The following NECAP2 variants were observed in gnomAD, a reference collection of about 807,000 sequenced individuals.
NECAP2 encodes adaptin ear-binding coat-associated protein 2.
A neutral mutation model predicts 37.8 loss-of-function variants in NECAP2; 38 were observed. The ratio of observed to expected loss-of-function variants is 1.01; its 90% CI spans 0.78 to 1.32. NECAP2 has a LOEUF of 1.32. Among genes scored for constraint, NECAP2 ranks in the 40% most tolerant of loss-of-function variants. The probability of loss-of-function intolerance (pLI) is 0.00; values close to 1 mark genes in which losing one functional copy is unlikely to be tolerated. For missense variants in NECAP2, 316 were observed against 334.5 expected (o/e 0.94, Z 0.43); for synonymous variants, 121 against 127.7 (o/e 0.95, Z 0.35).
intron 7 of NECAP2, among the ~76,000 whole-genome samples, chr1:16,456,165 A>G (rs2086915830): frequency 6.6e-6 from 1 of 151,912 alleles, no homozygotes; most frequent in Non-Finnish European, 1.5e-5. Flanking sequence ...CTGGGATTAC[A>G]GGCACCTGCC....
chr1:16,449,342 G>C lies in NECAP2; in HGVS notation c.489+141G>C, dbSNP rs369147191. The C allele has an allele frequency of 2.2e-4, 134 of 615,944 alleles. No homozygotes were observed. In the East Asian group the frequency reaches 2.9e-3, roughly 13 times the overall value. 38.2% of individuals were successfully genotyped at this position (615,944 alleles called of 1,614,324 possible). A position where few individuals can be genotyped will look rare whatever the true frequency, so the allele number is the denominator to read the frequency against. ...TCTGCCTTGTGCCAGGTCCTGCATC[G>C]GGGTGAACAAGAGACCTCTGTTCTC... On this transcript the variant is annotated intron_variant, in intron 5 of 7. Transcript: ENST00000337132.
In NECAP2 at chr1:16,446,491, C is replaced by T. The variant is rs191313039; in HGVS notation, c.194-1379C>T. Among the ~76,000 whole-genome samples, 119 of 151,870 alleles carry T rather than the reference C, an allele frequency of 7.8e-4. 1 individual carries two copies. Among genetic ancestry groups the T allele is most frequent in the African/African-American group, 2.7e-3 (112 of 41,418 alleles). On this transcript the variant is annotated intron_variant, in intron 2 of 7. Transcript: ENST00000337132. ...GGAAGATTACTTGAGCCCAGGAGTT[C>T]GAGGCTGCAGTGAGCTATGGTGCAC...
At chr1:16,448,761 A>G (rs1165205778) in intron 4 of NECAP2, among the ~76,000 whole-genome samples, 2 of 152,126 alleles carry the variant, frequency 1.3e-5, no homozygotes, top group East Asian at 1.9e-4. Flanking sequence ...CTCATGTCAT[A>G]TACTGTAGAG....
chr1:16,442,583 G>T (rs901706787), intron 1 of NECAP2, among the ~76,000 whole-genome samples: 2 of 152,140 alleles, frequency 1.3e-5, no homozygotes, highest in Non-Finnish European at 2.9e-5. Flanking sequence ...TTGCTATTTG[G>T]GGATTTAACT....
In NECAP2 at chr1:16,459,035, C is replaced by G; in HGVS notation, c.*145C>G. 1 of 1,535,734 alleles carries G rather than the reference C, an allele frequency of 6.5e-7. No individual in the cohort carries two copies. ...TCCTTGTCTGGCTCTGTTGACAAAC[C>G]GGGCATGTTTGGCAGTAAATTGGCA... On this transcript the variant is annotated 3_prime_UTR_variant, in exon 8 of 8. Coordinates refer to ENST00000337132, the MANE Select transcript of NECAP2 (RefSeq NM_018090.5).
In NECAP2 at chr1:16,448,165, G is replaced by A. The variant is rs117372261; in HGVS notation, c.380+24G>A. On this transcript the variant is annotated intron_variant, in intron 4 of 7. Transcript: ENST00000337132. ...AAGTGAGTGGGTCTGGGAGACACAC[G>A]CTCATGCCCCTCCCTTCTTTCCCTG... The A allele has an allele frequency of 3.2e-4, 510 of 1,582,028 alleles. 3 individuals are homozygous for A. The East Asian group carries it at 0.01, about 31-fold the overall frequency.
intron 6 of NECAP2, among the ~76,000 whole-genome samples, chr1:16,455,015 G>A (rs551088048): frequency 1.1e-3 from 164 of 152,288 alleles, no homozygotes; most frequent in African/African-American, 3.8e-3. Flanking sequence ...CTTTCCCTAG[G>A]GGCTGGGGTG....
intron 5 of NECAP2, chr1:16,449,753 G>C (rs988208339): frequency 1.7e-5 from 3 of 174,152 alleles, no homozygotes; most frequent in African/African-American, 7.2e-5. Context: ...GGTGGGCGCT[G>C]GGAGTCCTGG....
In NECAP2 at chr1:16,447,949, C is replaced by G. The variant is rs768525597; in HGVS notation, c.273C>G (p.Phe91Leu). Residue 91 changes from phenylalanine (F) to leucine (L), a missense_variant, in exon 3 of 8, where the codon TTC (phenylalanine) becomes TTG (leucine). This residue lies in a region of NECAP2 where 81 missense variants were observed against 124.2 expected (regional missense o/e 0.65). Coordinates refer to ENST00000337132, the MANE Select transcript of NECAP2 (RefSeq NM_018090.5). Reference protein sequence around the residue: ...VESVTDSSRYFVIRIEDGNGR... With the variant: ...VESVTDSSRYLVIRIEDGNGR... ...GTGTGACGGATTCCAGCAGGTACTT[C>G]GTGATCCGCATCGAAGATGGAAATG... The G allele has an allele frequency of 6.2e-7, 1 of 1,614,150 alleles. No homozygotes were observed. The highest frequency in any genetic ancestry group is 2.2e-5 in the East Asian group (1 of 44,886).
At chr1:16,455,535 G>A (rs562219310) in intron 6 of NECAP2, 3 of 423,010 alleles carry the variant, frequency 7.1e-6, no homozygotes, top group South Asian at 4.2e-5. Flanking sequence ...GTTAGATGAC[G>A]TGAGACTAAC....
chr1:16,442,267 C>T (rs1034068775), intron 1 of NECAP2, among the ~76,000 whole-genome samples: 4 of 152,272 alleles, frequency 2.6e-5, no homozygotes, highest in African/African-American at 9.6e-5. Flanking sequence ...CAGGATCCAC[C>T]GCGCCCGGCC....
intron 7 of NECAP2, among the ~76,000 whole-genome samples, chr1:16,456,698 G>A (rs1358788659): frequency 6.6e-6 from 1 of 152,114 alleles, no homozygotes; most frequent in Non-Finnish European, 1.5e-5. Flanking sequence ...TTATTTACAT[G>A]GACAGATTCT....
In NECAP2 at chr1:16,447,930, C is replaced by T. The variant is rs200252069; in HGVS notation, c.254C>T (p.Thr85Met). 4.2e-5 allele frequency: 67 copies of T among 1,614,082 alleles called. No homozygotes were observed. Among genetic ancestry groups the T allele is most frequent in the Non-Finnish European group, 5.4e-5 (64 of 1,180,032 alleles). Residue 85 changes from threonine to methionine, a missense_variant, in exon 3 of 8, where the codon ACG becomes ATG. Around this residue, in one of 3 missense-constraint regions of NECAP2, gnomAD observed 81 missense variants for 124.2 expected, o/e 0.65. Coordinates refer to ENST00000337132, the MANE Select transcript of NECAP2 (RefSeq NM_018090.5). ...CCTGGCACAGCTGTGGAGAGTGTGA[C>T]GGATTCCAGCAGGTACTTCGTGATC... The part of the protein sequence containing the change: ...QFPGTAVESV[T>M]DSSRYFVIRI...
chr1:16,451,928 G>A lies in NECAP2; in HGVS notation c.580G>A (p.Gly194Arg). ...GLSLLPPPPG[G>R]KTSTLIPPPG... ...GAGCCTGCTTCCCCCTCCCCCAGGG[G>A]GGAAAACCTCCACCCTGATCCCTCC... Residue 194 changes from glycine to arginine, a missense_variant, in exon 6 of 8, where the codon GGG (glycine) becomes AGG (arginine). Coordinates refer to ENST00000337132, the MANE Select transcript of NECAP2 (RefSeq NM_018090.5). 6.2e-7 allele frequency: 1 copy of A among 1,613,968 alleles called. No individual in the cohort carries two copies. Among genetic ancestry groups the A allele is most frequent in the Non-Finnish European group, 8.5e-7 (1 of 1,179,908 alleles).
chr1:16,448,001 C>T (rs760335126), intron 3 of NECAP2, 27 bp downstream of exon 3: 1 of 1,613,754 alleles, frequency 6.2e-7, no homozygotes, highest in East Asian at 2.2e-5. Context: ...GTGCTTCCTC[C>T]TCTTGGGAAA....
In NECAP2 at chr1:16,443,684, A is replaced by C; in HGVS notation, c.145A>C (p.Thr49Pro). 6.2e-7 allele frequency: 1 copy of C among 1,613,058 alleles called. No homozygotes were observed. Reference sequence around the variant, plus strand: ...ATCATGGAGTGGCCGGCTGAGGATCACTGCAAAGGGACAGATGGCCTACAT... The same window carrying C: ...ATCATGGAGTGGCCGGCTGAGGATCCCTGCAAAGGGACAGATGGCCTACAT... ...QPSWSGRLRITAKGQMAYIKL... is the reference protein window; with the variant it reads ...QPSWSGRLRIPAKGQMAYIKL... Residue 49 changes from threonine to proline, a missense_variant, in exon 2 of 8, where the codon ACT (threonine) becomes CCT (proline). By Grantham distance (38) the Thr-to-Pro change is conservative (BLOSUM62 -1). This residue lies in a region of NECAP2 where 81 missense variants were observed against 124.2 expected (regional missense o/e 0.65). Transcript: ENST00000337132.
At chr1:16,456,939 C>T (rs1030632656) in intron 7 of NECAP2, among the ~76,000 whole-genome samples, 4 of 152,078 alleles carry the variant, frequency 2.6e-5, no homozygotes, top group Non-Finnish European at 4.4e-5. Context: ...TGGGCTCAAG[C>T]GATCTGCCTG....
Position 16,449,197 on chromosome 1 carries a change from T to A in NECAP2, c.485T>A (p.Ile162Asn), listed in dbSNP as rs2086806479. Residue 162 changes from isoleucine (I) to asparagine (N), a missense_variant, in exon 5 of 8, where the codon ATC (isoleucine) becomes AAC (asparagine). By Grantham distance (149) the Ile-to-Asn change is moderately radical. This residue lies in a region of NECAP2 where 204 missense variants were observed against 188.6 expected (regional missense o/e 1.08). Transcript: ENST00000337132. ...FKEGQTIKLNIANMKKKEGAA... is the reference protein window; with the variant it reads ...FKEGQTIKLNNANMKKKEGAA... The stretch of plus-strand genomic sequence containing the variant: ...GAGGGCCAGACCATCAAGCTCAACA[T>A]CGCAGTGAGTTCTACCCTTGCTTGG... The A allele has an allele frequency of 6.2e-6, 10 of 1,607,618 alleles. No homozygotes were observed. Among genetic ancestry groups the A allele is most frequent in the Non-Finnish European group, 8.5e-6 (10 of 1,176,054 alleles).
chr1:16,449,470 A>G (rs1014937764), intron 5 of NECAP2: 15 of 412,264 alleles, frequency 3.6e-5, no homozygotes, highest in African/African-American at 3.0e-4. Flanking sequence ...GTGGGCTCCT[A>G]GAGGAAGGGT....
Sources: gnomAD v4.1 joint callset for allele counts (sites outside exome capture counted in the v4.1 genomes callset) on GRCh38, gnomAD v4.1.1 for gene constraint, gnomAD v4.1.1 regional missense constraint, MANE v1.5 for transcripts, NCBI Gene and HGNC (gene_info 2026-07-23, HGNC 2026-07-21) for gene names.